The following VAV2 variants were observed in gnomAD, a reference collection of about 807,000 sequenced individuals.
The protein encoded by VAV2 is guanine nucleotide exchange factor VAV2.
VAV2 carries 67 observed loss-of-function variants against 132.5 expected under a neutral mutation model. That is an observed-to-expected ratio of 0.51 (90% confidence interval 0.42 to 0.62). The LOEUF is 0.62. Ranked by LOEUF, VAV2 falls within the 20% of genes least tolerant of loss-of-function variation. VAV2 has a pLI of 0.00. For synonymous variants in VAV2, 492 were observed against 443.5 expected, an observed-to-expected ratio of 1.11 and a Z score of -1.37; for missense variants, 938 against 1,153.6, an observed-to-expected ratio of 0.81 and a Z score of 2.71.
At chr9:133,776,435 G>A (rs545997961) in intron 23 of VAV2, among the ~76,000 whole-genome samples, 9 of 152,264 alleles carry the variant, frequency 5.9e-5, no homozygotes, top group African/African-American at 1.4e-4. Flanking sequence ...TGGAAACCCC[G>A]GGGTGGGGGT....
At position 133,935,649 on chromosome 9, in the gene VAV2, G is replaced by A. The variant is rs540565845; in HGVS notation, c.321+3454C>T. Among the ~76,000 whole-genome samples the A allele has an allele frequency of 4.6e-4, 70 of 152,316 alleles. No individual in the cohort carries two copies. The highest frequency in any genetic ancestry group is 1.6e-3 in the African/African-American group (66 of 41,574). ...CAGGAGGCGCTGGCAGAGCAGAACCGTCAGGCTCCAGACCGTGGTGAACGT... is the reference window on the plus strand; with the variant it reads ...CAGGAGGCGCTGGCAGAGCAGAACCATCAGGCTCCAGACCGTGGTGAACGT... On this transcript the variant is annotated intron_variant, in intron 2 of 29. Coordinates refer to ENST00000371850, the MANE Select transcript of VAV2 (RefSeq NM_001134398.2). The surrounding 1 kb of genome is among the most constrained non-coding windows in gnomAD (Gnocchi z 5.2).
In VAV2 at chr9:133,939,671, C is replaced by G. The variant is rs192766579; in HGVS notation, c.205-452G>C. ...TCACAGCTGGGGCAGAATATGCAAGCCTTAAATCAACAAGAATGGATGGCG... is the reference window on the plus strand; with the variant it reads ...TCACAGCTGGGGCAGAATATGCAAGGCTTAAATCAACAAGAATGGATGGCG... On this transcript the variant is annotated intron_variant, in intron 1 of 29. Coordinates refer to ENST00000371850, the MANE Select transcript of VAV2 (RefSeq NM_001134398.2). 7.9e-5 allele frequency among the ~76,000 whole-genome samples: 12 copies of G among 152,370 alleles called. No homozygotes were observed. In the East Asian group the frequency reaches 2.3e-3, roughly 29 times the overall value.
chr9:133,956,598 C>T (rs1028858169), intron 1 of VAV2, among the ~76,000 whole-genome samples: 3 of 152,142 alleles, frequency 2.0e-5, no homozygotes, highest in Non-Finnish European at 2.9e-5. Flanking sequence ...CCAGTTAGTT[C>T]CTGAGAAGTC....
chr9:133,765,742 T>C (rs1304325717), intron 29 of VAV2, among the ~76,000 whole-genome samples: 1 of 152,232 alleles, frequency 6.6e-6, no homozygotes, highest in East Asian at 1.9e-4. Flanking sequence ...GGAATGTCCT[T>C]GGTCTTAGGA....
At chr9:133,981,309 C>T (rs1242440870) in intron 1 of VAV2, among the ~76,000 whole-genome samples, 2 of 152,262 alleles carry the variant, frequency 1.3e-5, no homozygotes, top group Non-Finnish European at 2.9e-5. Flanking sequence ...CCACACCCCC[C>T]ACTATACCCG....
chr9:133,986,865 A>C (rs1379030183), intron 1 of VAV2, among the ~76,000 whole-genome samples: 1 of 152,052 alleles, frequency 6.6e-6, no homozygotes, highest in Non-Finnish European at 1.5e-5. Context: ...TCAGTCACCA[A>C]GCACCTCATC....
chr9:133,848,876 T>C (rs569600799), intron 3 of VAV2, among the ~76,000 whole-genome samples: 209 of 152,348 alleles, frequency 1.4e-3, no homozygotes, highest in African/African-American at 4.9e-3. Context: ...CCTGAATGTA[T>C]GACCACAGTC....
chr9:133,860,476 G>A (rs1348045062), intron 3 of VAV2, among the ~76,000 whole-genome samples: 2 of 152,038 alleles, frequency 1.3e-5, no homozygotes, highest in Non-Finnish European at 1.5e-5. Context: ...GGGCAACTGC[G>A]CCACCCAAAA....
chr9:133,908,167 G>A (rs901413207), intron 2 of VAV2, among the ~76,000 whole-genome samples: 5 of 151,598 alleles, frequency 3.3e-5, no homozygotes, highest in South Asian at 4.2e-4. Flanking sequence ...ACTGGGTGGA[G>A]GCTAAAGTGA....
At chr9:133,965,986 TAC>T (rs1237803448) in intron 1 of VAV2, among the ~76,000 whole-genome samples, 1 of 152,218 alleles carries the variant, frequency 6.6e-6, no homozygotes. Flanking sequence ...TCCACACATT[TAC>T]AGTCAACTCA....
At chr9:133,855,635 G>A (rs565884150) in intron 3 of VAV2, among the ~76,000 whole-genome samples, 1 of 152,174 alleles carries the variant, frequency 6.6e-6, no homozygotes, top group Admixed American at 6.5e-5. Context: ...CCTGCCACCC[G>A]CCACCAGCTC....
intron 9 of VAV2, among the ~76,000 whole-genome samples, chr9:133,799,855 G>T (rs571461615): frequency 9.8e-5 from 15 of 152,298 alleles, no homozygotes; most frequent in African/African-American, 1.4e-4. Context: ...ACATTTAAGA[G>T]ACCACCGGAC....
intron 2 of VAV2, among the ~76,000 whole-genome samples, chr9:133,894,463 G>A (rs1003593699): frequency 4.6e-5 from 7 of 152,190 alleles, no homozygotes; most frequent in African/African-American, 7.2e-5. Flanking sequence ...GGTGGAAACC[G>A]CCTTTACGCC....
chr9:133,923,401 G>A lies in VAV2; in HGVS notation c.321+15702C>T, dbSNP rs548908566. Among the ~76,000 whole-genome samples the A allele has an allele frequency of 5.5e-4, 83 of 152,280 alleles. No individual in the cohort carries two copies. The South Asian group carries it at 0.016, about 30-fold the overall frequency. On this transcript the variant is annotated intron_variant, in intron 2 of 29. Transcript: ENST00000371850. ...ACAGACACATGAGAAAATGCTCATC[G>A]TCACTGGTCACGAGAGAAACGCAAA...
intron 2 of VAV2, among the ~76,000 whole-genome samples, chr9:133,910,810 C>T (rs1434504531): frequency 2.4e-5 from 3 of 127,460 alleles, no homozygotes; most frequent in Non-Finnish European, 4.8e-5. Flanking sequence ...GGCGACAGAG[C>T]GAGACTCGGT....
chr9:133,888,113 C>T (rs547737681), intron 2 of VAV2, among the ~76,000 whole-genome samples: 46 of 152,290 alleles, frequency 3.0e-4, no homozygotes, highest in African/African-American at 1.1e-3. Flanking sequence ...GGACTCCCTA[C>T]AGGAGGTCCC....
intron 1 of VAV2, among the ~76,000 whole-genome samples, chr9:133,964,890 C>T (rs186639682): frequency 7.2e-5 from 11 of 152,222 alleles, no homozygotes; most frequent in African/African-American, 2.6e-4. Context: ...AACCTGAAAG[C>T]TTTTTCTCTA....
rs185508745 is a variant in VAV2, at chr9:133,776,521, C to G, written c.1966-441G>C. Among the ~76,000 whole-genome samples, 4 of 152,284 alleles carry G rather than the reference C, an allele frequency of 2.6e-5. No individual in the cohort carries two copies. The South Asian group carries it at 6.2e-4, about 24-fold the overall frequency. ...GGCTCCCTCCCTGGCTACAGCCCCC[C>G]ACCCTGGCCTCACTGGGCCACAGGC... On this transcript the variant is annotated intron_variant, in intron 23 of 29. Transcript: ENST00000371850.
intron 3 of VAV2, among the ~76,000 whole-genome samples, chr9:133,855,260 C>T (rs373061210): frequency 1.7e-4 from 26 of 152,346 alleles, no homozygotes; most frequent in African/African-American, 5.3e-4. Flanking sequence ...ATAGCACATT[C>T]GTTCACGGAG....
Sources: allele counts gnomAD v4.1 joint callset (sites outside exome capture counted in the v4.1 genomes callset), GRCh38; gene constraint gnomAD v4.1.1; non-coding constraint Gnocchi (gnomAD v3.1); transcripts MANE v1.5; gene names NCBI Gene and HGNC (gene_info 2026-07-23, HGNC 2026-07-21).